The following KAZN variants were observed in gnomAD, a reference collection of about 807,000 sequenced individuals.
KAZN encodes kazrin, periplakin interacting protein, also known as kazrin.
KAZN carries 40 observed loss-of-function variants against 87.4 expected under a neutral mutation model. The ratio of observed to expected loss-of-function variants is 0.46; its 90% CI spans 0.36 to 0.60. The LOEUF is 0.60. KAZN is among the 20% of genes least tolerant of loss of function. KAZN has a pLI of 0.00. For missense variants in KAZN, 898 were observed against 1,073.9 expected (o/e 0.84, Z 2.29); for synonymous variants, 466 against 458.3 (o/e 1.02, Z -0.22).
chr1:14,547,891 T>C (rs1673260684), intron 2 of KAZN, among the ~76,000 whole-genome samples: 2 of 152,032 alleles, frequency 1.3e-5, no homozygotes, highest in South Asian at 4.1e-4. Flanking sequence ...GAACAAAGAA[T>C]ACCACAAGGA....
At chr1:14,814,272 G>A (rs1184574168) in intron 1 of KAZN, among the ~76,000 whole-genome samples, 1 of 152,118 alleles carries the variant, frequency 6.6e-6, no homozygotes, top group Non-Finnish European at 1.5e-5. Context: ...TGTCCTCCAG[G>A]CTGGAGTGCA....
At chr1:14,520,094 G>A (rs1272630504) in intron 2 of KAZN, among the ~76,000 whole-genome samples, 6 of 152,146 alleles carry the variant, frequency 3.9e-5, no homozygotes, top group Non-Finnish European at 5.9e-5. Context: ...GTAGACAAAA[G>A]TCAAGATGGA....
At chr1:14,862,898 T>C (rs2101027670) in intron 1 of KAZN, among the ~76,000 whole-genome samples, 1 of 152,344 alleles carries the variant, frequency 6.6e-6, no homozygotes, top group Non-Finnish European at 1.5e-5. Context: ...GTGTCTCATT[T>C]CATCTTCATG....
At chr1:14,382,565 G>C (rs1299363078) in intron 2 of KAZN, among the ~76,000 whole-genome samples, 1 of 146,310 alleles carries the variant, frequency 6.8e-6, no homozygotes, top group African/African-American at 2.5e-5. Context: ...GAGAATATGC[G>C]GTGTTTGGTT....
Position 13,991,318 on chromosome 1 carries a change from G to T in KAZN, c.91+97562G>T, listed in dbSNP as rs116094413. On this transcript the variant is annotated intron_variant, in intron 1 of 16. Coordinates refer to the KAZN transcript ENST00000636203. ...TGTTGGGGTGTGGAGGGCTAGGGGA[G>T]GGATAGCATTAAGAGAAATACCTAA... 1.6e-3 allele frequency among the ~76,000 whole-genome samples: 248 copies of T among 152,050 alleles called. 1 individual carries two copies. Among genetic ancestry groups the T allele is most frequent in the African/African-American group, 5.7e-3 (236 of 41,472 alleles).
intron 1 of KAZN, among the ~76,000 whole-genome samples, chr1:14,835,774 C>A (rs1647218528): frequency 6.6e-6 from 1 of 152,074 alleles, no homozygotes; most frequent in Admixed American, 6.5e-5. Context: ...TTGGCCTGGA[C>A]TCTTTCCCTG....
chr1:14,454,149 G>A (rs182131567), intron 2 of KAZN, among the ~76,000 whole-genome samples: 26 of 152,298 alleles, frequency 1.7e-4, no homozygotes, highest in Admixed American at 1.1e-3. Context: ...TCTCTGTGCA[G>A]CAAGGAGCTA....
chr1:14,903,726 T>C (rs1656185615), intron 1 of KAZN, among the ~76,000 whole-genome samples: 1 of 152,232 alleles, frequency 6.6e-6, no homozygotes, highest in African/African-American at 2.4e-5. Flanking sequence ...TTAAAATCAA[T>C]TTTAAAACAT....
chr1:14,474,033 T>C (rs1179527125), intron 2 of KAZN, among the ~76,000 whole-genome samples: 1 of 152,236 alleles, frequency 6.6e-6, no homozygotes, highest in African/African-American at 2.4e-5. Flanking sequence ...CTAGTTCTAT[T>C]GTGTGTGTCT....
intron 2 of KAZN, among the ~76,000 whole-genome samples, chr1:14,220,985 A>G (rs1401992985): frequency 6.6e-6 from 1 of 152,136 alleles, no homozygotes; most frequent in Non-Finnish European, 1.5e-5. Flanking sequence ...TCATCCCACA[A>G]GCATTACTGA....
At chr1:14,624,107 T>C (rs1457040105) in intron 1 of KAZN, among the ~76,000 whole-genome samples, 2 of 152,216 alleles carry the variant, frequency 1.3e-5, no homozygotes, top group East Asian at 1.9e-4. Flanking sequence ...TAGTCCTACT[T>C]GTCCTATCAG....
intron 1 of KAZN, among the ~76,000 whole-genome samples, chr1:14,681,563 A>G (rs1414022571): frequency 7.2e-6 from 1 of 139,172 alleles, no homozygotes; most frequent in Non-Finnish European, 1.5e-5. Flanking sequence ...TGGTGGTAAA[A>G]TAGACATAAC....
chr1:14,752,518 G>A (rs1644441109), intron 1 of KAZN, among the ~76,000 whole-genome samples: 1 of 152,172 alleles, frequency 6.6e-6, no homozygotes, highest in South Asian at 2.1e-4. Flanking sequence ...GACACCAGCA[G>A]ATTCAACGTC....
intron 1 of KAZN, among the ~76,000 whole-genome samples, chr1:14,139,526 C>G (rs993774300): frequency 6.6e-6 from 1 of 152,242 alleles, no homozygotes; most frequent in South Asian, 2.1e-4. Context: ...TGTTCTTCCT[C>G]CTGGAGCTCC....
chr1:14,837,739 A>T (rs1397328341), intron 1 of KAZN, among the ~76,000 whole-genome samples: 9 of 151,026 alleles, frequency 6.0e-5, no homozygotes, highest in Non-Finnish European at 8.8e-5. Context: ...TATTATTATT[A>T]TTTTTAGAGA....
intron 1 of KAZN, among the ~76,000 whole-genome samples, chr1:14,013,567 T>G (rs1212578450): frequency 6.6e-6 from 1 of 152,096 alleles, no homozygotes; most frequent in African/African-American, 2.4e-5. Flanking sequence ...TCCATAATCA[T>G]GGGATTCGTG....
At chr1:14,459,721 C>T (rs1667759600) in intron 2 of KAZN, among the ~76,000 whole-genome samples, 2 of 152,122 alleles carry the variant, frequency 1.3e-5, no homozygotes, top group African/African-American at 2.4e-5. Context: ...CTGGAATGTT[C>T]TAACCTCCGA....
At position 15,092,354 on chromosome 1, in the gene KAZN, C is replaced by T. The variant is rs1222785248; in HGVS notation, c.1223-1826C>T. Among the ~76,000 whole-genome samples, 5 of 152,256 alleles carry T rather than the reference C, an allele frequency of 3.3e-5. 1 individual carries two copies. The East Asian group carries it at 9.6e-4, about 29-fold the overall frequency. On this transcript the variant is annotated intron_variant, in intron 8 of 14. Transcript: ENST00000376030. ...CCTCCCAAAGTGCTGGGATTACAGG[C>T]ATGAGCCACTGTGCCCAGCCAGTCA...
intron 1 of KAZN, among the ~76,000 whole-genome samples, chr1:14,927,981 GCAACCCAA>G (rs61436141): frequency 0.063 from 9,535 of 152,154 alleles, 905 homozygotes; most frequent in African/African-American, 0.21. Flanking sequence ...GGTCCTCCCA[GCAACCCAA>G]TGGGGAAGTG....
Sources: gnomAD v4.1 joint callset for allele counts (sites outside exome capture counted in the v4.1 genomes callset) on GRCh38, gnomAD v4.1.1 for gene constraint, MANE v1.5 for transcripts, NCBI Gene and HGNC (gene_info 2026-07-23, HGNC 2026-07-21) for gene names.